ARMH3: variants seen among roughly 807,000 people sequenced by gnomAD.
The protein encoded by ARMH3 is armadillo-like helical domain-containing protein 3.
ARMH3 carries 60 observed loss-of-function variants against 99.1 expected under a neutral mutation model. The observed-to-expected ratio is 0.61, with a 90% CI of 0.49 to 0.75. ARMH3 has a LOEUF of 0.75. Ranked by LOEUF, ARMH3 falls within the 30% of genes least tolerant of loss-of-function variation. The pLI is 0.00. For synonymous variants in ARMH3, 285 were observed against 292.8 expected (o/e 0.97, Z 0.27); for missense variants, 679 against 843.1 (o/e 0.81, Z 2.41).
chr10:102,035,532 T>C (rs1038035249), intron 2 of ARMH3, among the ~76,000 whole-genome samples: 7 of 152,134 alleles, frequency 4.6e-5, no homozygotes, highest in Admixed American at 1.3e-4. Context: ...GCCTGCGGAG[T>C]GCCTGCGATT....
At chr10:102,009,889 A>G (rs2066592844) in intron 12 of ARMH3, 88 bp downstream of exon 12, 1 of 1,227,224 alleles carries the variant, frequency 8.1e-7, no homozygotes, top group African/African-American at 1.5e-5. Flanking sequence ...GTAAAAGATT[A>G]GCAAGAGGTA....
chr10:101,917,918 C>T (rs888776808), intron 23 of ARMH3, among the ~76,000 whole-genome samples: 1 of 152,174 alleles, frequency 6.6e-6, no homozygotes, highest in African/African-American at 2.4e-5. Context: ...CCACCCCAGC[C>T]CCCACACTGG....
At chr10:101,967,739 G>A (rs892167441) in intron 20 of ARMH3, among the ~76,000 whole-genome samples, 1 of 152,096 alleles carries the variant, frequency 6.6e-6, no homozygotes, top group Non-Finnish European at 1.5e-5. Context: ...TCAGTCGTGG[G>A]GGGAGCAGGG....
At chr10:102,044,374 CT>C (rs751800293) in intron 1 of ARMH3, among the ~76,000 whole-genome samples, 336 of 138,054 alleles carry the variant, frequency 2.4e-3, no homozygotes, top group Middle Eastern at 3.9e-3. Flanking sequence ...CATGCCCGGC[CT>C]TTTTTTTTTT....
intron 1 of ARMH3, among the ~76,000 whole-genome samples, chr10:102,055,448 C>G (rs1243198345): frequency 6.6e-6 from 1 of 152,202 alleles, no homozygotes; most frequent in Non-Finnish European, 1.5e-5. Context: ...CACGCCTCAG[C>G]TTCTCCTTCT....
At chr10:101,991,259 C>T (rs1446457520) in intron 18 of ARMH3, among the ~76,000 whole-genome samples, 4 of 152,192 alleles carry the variant, frequency 2.6e-5, no homozygotes, top group Non-Finnish European at 5.9e-5. Context: ...CAGCCCCCTA[C>T]CTGTCAACTC....
intron 19 of ARMH3, among the ~76,000 whole-genome samples, chr10:101,980,551 A>G (rs958847111): frequency 1.2e-4 from 18 of 152,224 alleles, no homozygotes; most frequent in African/African-American, 4.1e-4. Flanking sequence ...CGCCCACCTC[A>G]GCCTCCCAAA....
chr10:101,863,608 G>A (rs561396352), intron 24 of ARMH3, among the ~76,000 whole-genome samples: 56 of 152,118 alleles, frequency 3.7e-4, no homozygotes, highest in African/African-American at 1.3e-3. Flanking sequence ...GAAAAATCTC[G>A]CAAATTGTGT....
intron 14 of ARMH3, among the ~76,000 whole-genome samples, chr10:102,004,402 T>C (rs2066436443): frequency 1.3e-5 from 2 of 152,200 alleles, no homozygotes; most frequent in Admixed American, 6.5e-5. Context: ...AGTCATTCCT[T>C]GATCTTTGGC....
rs146434935 is a variant in ARMH3, at chr10:101,910,884, A to G, written c.1782-21394T>C. Among the ~76,000 whole-genome samples the G allele has an allele frequency of 7.6e-3, 1,158 of 151,996 alleles. 18 individuals carry two copies. Among genetic ancestry groups the G allele is most frequent in the African/African-American group, 0.026 (1,089 of 41,482 alleles). ...GCTGGGCGCGGTGACTCATGCCTGT[A>G]ATCCCAGCACTTTGGGAGGCCAAGG... On this transcript the variant is annotated intron_variant, in intron 23 of 25. Coordinates refer to ENST00000370033, the MANE Select transcript of ARMH3 (RefSeq NM_024541.3).
intron 25 of ARMH3, among the ~76,000 whole-genome samples, chr10:101,849,352 T>C (rs2066532897): frequency 6.6e-6 from 1 of 152,046 alleles, no homozygotes; most frequent in Non-Finnish European, 1.5e-5. Context: ...AGCTAAGTGA[T>C]TGGAAAGCAG....
chr10:102,026,995 T>C (rs1274013482), intron 5 of ARMH3, among the ~76,000 whole-genome samples: 3 of 152,126 alleles, frequency 2.0e-5, no homozygotes, highest in South Asian at 2.1e-4. Flanking sequence ...AAAGAATGAA[T>C]GGGCTGGGTG....
chr10:101,947,022 T>C (rs1396852475), intron 22 of ARMH3, among the ~76,000 whole-genome samples: 1 of 151,992 alleles, frequency 6.6e-6, no homozygotes, highest in African/African-American at 2.4e-5. Flanking sequence ...ACCCCGTCTC[T>C]ACTAAAAATA....
intron 23 of ARMH3, among the ~76,000 whole-genome samples, chr10:101,927,614 CAAGT>C (rs1444868446): frequency 6.6e-6 from 1 of 152,154 alleles, no homozygotes; most frequent in Admixed American, 6.5e-5. Flanking sequence ...CCAAAAGGCT[CAAGT>C]AAGTATTTGG....
intron 16 of ARMH3, 83 bp from the exon 17 acceptor site, chr10:101,993,686 G>C (rs1846916940): frequency 2.1e-6 from 2 of 941,750 alleles, no homozygotes; most frequent in East Asian, 5.2e-5. Flanking sequence ...CAAATCCTTG[G>C]ACTTTGAGAA....
chr10:101,938,197 G>A (rs1844076892), intron 23 of ARMH3, among the ~76,000 whole-genome samples: 1 of 152,166 alleles, frequency 6.6e-6, no homozygotes, highest in South Asian at 2.1e-4. Context: ...TACTTTAGAT[G>A]TATACTGAGT....
intron 1 of ARMH3, among the ~76,000 whole-genome samples, chr10:102,047,054 C>T (rs949673574): frequency 6.6e-6 from 1 of 152,152 alleles, no homozygotes; most frequent in African/African-American, 2.4e-5. Context: ...GACAAATTCA[C>T]AGGAATGGCA....
intron 23 of ARMH3, among the ~76,000 whole-genome samples, chr10:101,934,238 G>C (rs1564767425): frequency 6.6e-6 from 1 of 152,126 alleles, no homozygotes; most frequent in African/African-American, 2.4e-5. Flanking sequence ...GTGTCTATGC[G>C]CGTGCACATG....
intron 2 of ARMH3, among the ~76,000 whole-genome samples, chr10:102,038,269 T>C (rs1489583206): frequency 6.6e-6 from 1 of 151,756 alleles, no homozygotes; most frequent in Non-Finnish European, 1.5e-5. Context: ...TAATTTTTTG[T>C]ATTTTTAGTA....
Sources: allele counts gnomAD v4.1 joint callset (sites outside exome capture counted in the v4.1 genomes callset), GRCh38; gene constraint gnomAD v4.1.1; transcripts MANE v1.5; gene names NCBI Gene and HGNC (gene_info 2026-07-23, HGNC 2026-07-21).